Variants in MACROD2 observed in about 807,000 individuals in gnomAD.
The protein encoded by MACROD2 is ADP-ribose glycohydrolase MACROD2.
MACROD2 carries 36 observed loss-of-function variants against 70.4 expected under a neutral mutation model. The observed-to-expected ratio is 0.51, with a 90% CI of 0.39 to 0.68. The LOEUF (loss-of-function observed/expected upper bound fraction) is 0.68. MACROD2 is among the 30% of genes least tolerant of loss of function. MACROD2 has a pLI of 0.00. For synonymous variants in MACROD2, 172 were observed against 178.8 expected (o/e 0.96, Z 0.30); for missense variants, 496 against 538.4 (o/e 0.92, Z 0.78).
rs538377552 is a variant in MACROD2, at chr20:14,232,723, A to G, written c.271+146995A>G. 2.6e-5 allele frequency among the ~76,000 whole-genome samples: 4 copies of G among 152,376 alleles called. No individual in the cohort carries two copies. In the East Asian group the frequency reaches 7.7e-4, roughly 29 times the overall value. On this transcript the variant is annotated intron_variant, in intron 3 of 17. Transcript: ENST00000684519. ...TCCAGATTGCTCAAATTTTCTCCACATCAGCAATAGGGCTGTTGCACTTTC... is the reference window on the plus strand; with the variant it reads ...TCCAGATTGCTCAAATTTTCTCCACGTCAGCAATAGGGCTGTTGCACTTTC...
intron 5 of MACROD2, among the ~76,000 whole-genome samples, chr20:15,227,683 A>G (rs2076919133): frequency 6.6e-6 from 1 of 152,170 alleles, no homozygotes; most frequent in Admixed American, 6.5e-5. Flanking sequence ...TGTTCTTCAA[A>G]GCACAGGTTT....
At chr20:15,355,188 C>A (rs1435032468) in intron 6 of MACROD2, among the ~76,000 whole-genome samples, 2 of 152,200 alleles carry the variant, frequency 1.3e-5, no homozygotes, top group Non-Finnish European at 2.9e-5. Context: ...GCAAGACTCT[C>A]TTTAATTCAG....
chr20:14,864,838 AG>A (rs2073410959), intron 5 of MACROD2, among the ~76,000 whole-genome samples: 1 of 152,148 alleles, frequency 6.6e-6, no homozygotes, highest in Non-Finnish European at 1.5e-5. Flanking sequence ...CTGTGCTATC[AG>A]TGTCAATGTA....
At chr20:15,830,542 G>A (rs367621504) in intron 8 of MACROD2, among the ~76,000 whole-genome samples, 47 of 152,294 alleles carry the variant, frequency 3.1e-4, no homozygotes, top group African/African-American at 1.1e-3. Flanking sequence ...AGCATTAAAC[G>A]ACACAGAATG....
chr20:15,974,732 C>T (rs1453143097), intron 13 of MACROD2, among the ~76,000 whole-genome samples: 1 of 152,010 alleles, frequency 6.6e-6, no homozygotes, highest in Non-Finnish European at 1.5e-5. Context: ...AAACCTAAAA[C>T]CACTCTACAA....
intron 3 of MACROD2, among the ~76,000 whole-genome samples, chr20:14,198,321 A>T (rs1278158343): frequency 6.6e-6 from 1 of 152,180 alleles, no homozygotes; most frequent in Non-Finnish European, 1.5e-5. Context: ...TATAGGAGTA[A>T]ACAATGGAGA....
intron 5 of MACROD2, among the ~76,000 whole-genome samples, chr20:14,990,251 T>C (rs1160829343): frequency 1.3e-5 from 2 of 152,056 alleles, no homozygotes; most frequent in Non-Finnish European, 2.9e-5. Context: ...AGATACACAA[T>C]AGATAAAAAA....
rs1359005309 is a variant in MACROD2 at position 14,249,901 on chromosome 20, G to A, written c.271+164173G>A. 3.3e-5 allele frequency among the ~76,000 whole-genome samples: 5 copies of A among 152,072 alleles called. No individual in the cohort carries two copies. In the East Asian group the frequency reaches 7.7e-4, roughly 23 times the overall value. ...GTACTCTAAAACTACACCCAGACAC[G>A]GGGGTGGGGGATAGCAGTATAAAAT... On this transcript the variant is annotated intron_variant, in intron 3 of 17. Transcript: ENST00000684519.
At chr20:15,264,955 C>T (rs2077279993) in intron 6 of MACROD2, among the ~76,000 whole-genome samples, 1 of 152,158 alleles carries the variant, frequency 6.6e-6, no homozygotes, top group African/African-American at 2.4e-5. Flanking sequence ...TAGTTAAAAG[C>T]ACCATACTTC....
intron 3 of MACROD2, among the ~76,000 whole-genome samples, chr20:14,467,615 T>A (rs2084472218): frequency 6.6e-6 from 1 of 152,074 alleles, no homozygotes; most frequent in Non-Finnish European, 1.5e-5. Flanking sequence ...GTCTTCTGTG[T>A]CACTCACCCT....
At chr20:15,766,834 T>C (rs545945611) in intron 8 of MACROD2, among the ~76,000 whole-genome samples, 1 of 152,366 alleles carries the variant, frequency 6.6e-6, no homozygotes, top group Admixed American at 6.5e-5. Flanking sequence ...TCAGGACTCT[T>C]AGCTTGGAGT....
chr20:15,777,578 T>TTTCC (rs1241207207), intron 8 of MACROD2, among the ~76,000 whole-genome samples: 12 of 38,370 alleles, frequency 3.1e-4, no homozygotes, highest in East Asian at 1.2e-3. Flanking sequence ...TCCTTCCTTC[T>TTTCC]TTCCTTCCTT....
At chr20:15,569,044 C>T (rs1161527790) in intron 8 of MACROD2, among the ~76,000 whole-genome samples, 1 of 152,084 alleles carries the variant, frequency 6.6e-6, no homozygotes, top group East Asian at 1.9e-4. Context: ...CACGTGACTT[C>T]CCCCAATAAT....
chr20:14,756,607 C>T (rs1017585882), intron 5 of MACROD2, among the ~76,000 whole-genome samples: 2 of 152,040 alleles, frequency 1.3e-5, no homozygotes, highest in Admixed American at 6.6e-5. Flanking sequence ...TAGTGACTGA[C>T]CTGTTTTCCT....
intron 5 of MACROD2, among the ~76,000 whole-genome samples, chr20:15,152,275 C>T (rs375422153): frequency 1.6e-4 from 24 of 151,726 alleles, no homozygotes; most frequent in Middle Eastern, 3.4e-3. Context: ...TTCTTAAGAA[C>T]GCAGGCTAAG....
At chr20:15,262,281 T>G (rs1269989034) in intron 6 of MACROD2, among the ~76,000 whole-genome samples, 2 of 152,066 alleles carry the variant, frequency 1.3e-5, no homozygotes, top group Non-Finnish European at 2.9e-5. Flanking sequence ...CTCCCACAAA[T>G]AAGTGAGAAC....
chr20:15,345,566 T>C (rs2078156849), intron 6 of MACROD2, among the ~76,000 whole-genome samples: 1 of 152,238 alleles, frequency 6.6e-6, no homozygotes, highest in African/African-American at 2.4e-5. Context: ...TTCAATAGAT[T>C]ATTCAGTGAT....
intron 3 of MACROD2, among the ~76,000 whole-genome samples, chr20:14,332,010 G>A (rs2082851077): frequency 6.6e-6 from 1 of 151,890 alleles, no homozygotes; most frequent in South Asian, 2.1e-4. Context: ...TAACTTGGGA[G>A]GAAAACATAA....
intron 15 of MACROD2, among the ~76,000 whole-genome samples, chr20:16,019,695 G>T (rs1462224462): frequency 6.6e-6 from 1 of 152,192 alleles, no homozygotes; most frequent in Non-Finnish European, 1.5e-5. Flanking sequence ...TAATTTGTTA[G>T]AAATGCAGAT....
Sources: allele counts gnomAD v4.1 joint callset (sites outside exome capture counted in the v4.1 genomes callset), GRCh38; gene constraint gnomAD v4.1.1; transcripts MANE v1.5; gene names NCBI Gene and HGNC (gene_info 2026-07-23, HGNC 2026-07-21).